SHISA6: variants seen among roughly 807,000 people sequenced by gnomAD.
SHISA6 encodes the protein shisa family member 6, also known as protein shisa-6.
SHISA6 carries 22 observed loss-of-function variants against 47.9 expected under a neutral mutation model. That is an observed-to-expected ratio of 0.46 (90% CI 0.33 to 0.66). The LOEUF is 0.66. Among genes scored for constraint, SHISA6 ranks in the 30% least tolerant of loss-of-function variants. SHISA6 has a pLI of 0.02. For synonymous variants in SHISA6, 388 were observed against 337.8 expected (o/e 1.15, Z -1.63); for missense variants, 680 against 764.6 (o/e 0.89, Z 1.30).
chr17:11,498,369 G>A (rs114060915), intron 3 of SHISA6, among the ~76,000 whole-genome samples: 142 of 152,320 alleles, frequency 9.3e-4, no homozygotes, highest in African/African-American at 3.3e-3. Flanking sequence ...TGAGGACAGA[G>A]CTTGAATCTG....
intron 3 of SHISA6, among the ~76,000 whole-genome samples, chr17:11,479,285 A>C (rs1335034031): frequency 7.2e-5 from 11 of 152,198 alleles, no homozygotes; most frequent in Admixed American, 1.3e-4. Context: ...AAGCCATAAA[A>C]AAGAATGAGT....
At chr17:11,319,604 C>G (rs561557087) in intron 2 of SHISA6, among the ~76,000 whole-genome samples, 2 of 152,302 alleles carry the variant, frequency 1.3e-5, no homozygotes, top group East Asian at 1.9e-4. Context: ...AATTAATACT[C>G]TAACCATCTA....
chr17:11,557,942 G>A lies in SHISA6; in HGVS notation c.1294G>A (p.Glu432Lys), dbSNP rs1413780172. 1 of 1,551,474 alleles carries A rather than the reference G, an allele frequency of 6.4e-7. No individual in the cohort carries two copies. The highest frequency in any genetic ancestry group is 1.4e-5 in the African/African-American group (1 of 73,064). The change falls in exon 6 of 6, where the codon GAG (glutamate) becomes AAG (lysine). Residue 432 changes from glutamate (E) to lysine (K), a missense_variant. Transcript: ENST00000441885. ...GTCCCCGGATCGGGGCCTGCCAGAT[G>A]AGTTCAGCATGCCCTACGACCGCAT... ...VLSPDRGLPD[E>K]FSMPYDRILS...
intron 2 of SHISA6, among the ~76,000 whole-genome samples, chr17:11,322,971 G>T (rs989792367): frequency 1.3e-5 from 2 of 152,162 alleles, no homozygotes; most frequent in Non-Finnish European, 2.9e-5. Flanking sequence ...GAGGCAGAAA[G>T]AGTTAAACTA....
chr17:11,253,531 A>C (rs540723494), intron 1 of SHISA6, among the ~76,000 whole-genome samples: 7 of 152,072 alleles, frequency 4.6e-5, no homozygotes, highest in Non-Finnish European at 1.0e-4. Context: ...TTTTTAGTTG[A>C]GTTTGAAATC....
At chr17:11,323,696 T>TAATAATAATAAG (rs1005096996) in intron 2 of SHISA6, among the ~76,000 whole-genome samples, 2 of 148,878 alleles carry the variant, frequency 1.3e-5, no homozygotes, top group African/African-American at 4.9e-5. Flanking sequence ...ATAATAATAA[T>TAATAATAATAAG]AATACATGAT....
intron 3 of SHISA6, among the ~76,000 whole-genome samples, chr17:11,540,986 TA>T (rs958838916): frequency 2.6e-5 from 4 of 152,202 alleles, no homozygotes; most frequent in Non-Finnish European, 5.9e-5. Flanking sequence ...GCATAATGAA[TA>T]AAAGTACAGG....
intron 3 of SHISA6, among the ~76,000 whole-genome samples, chr17:11,490,696 C>G (rs1328292750): frequency 2.0e-5 from 3 of 152,220 alleles, no homozygotes; most frequent in Non-Finnish European, 4.4e-5. Context: ...GTGGTCAGAC[C>G]TGAGCCAGAG....
At position 11,428,859 on chromosome 17, in the gene SHISA6, A is replaced by C. The variant is rs550240544; in HGVS notation, c.895+49350A>C. On this transcript the variant is annotated intron_variant, in intron 3 of 5. Coordinates refer to ENST00000441885, the MANE Select transcript of SHISA6 (RefSeq NM_207386.4). Reference sequence around the variant, plus strand: ...GAGTGCAGTGGCACGATCTCTGCTTACTGCAAGCTCCGCCTGCCGGGTTCA... The same window carrying C: ...GAGTGCAGTGGCACGATCTCTGCTTCCTGCAAGCTCCGCCTGCCGGGTTCA... 5.9e-5 allele frequency among the ~76,000 whole-genome samples: 8 copies of C among 135,810 alleles called. No individual in the cohort carries two copies. In the East Asian group the frequency reaches 1.5e-3, roughly 26 times the overall value. The allele number at this position is 135,810 out of a possible 152,430, so 89.1% of individuals were successfully genotyped here.
intron 3 of SHISA6, among the ~76,000 whole-genome samples, chr17:11,381,497 C>T (rs1049266384): frequency 1.3e-5 from 2 of 152,148 alleles, no homozygotes; most frequent in Non-Finnish European, 2.9e-5. Context: ...TGGCAGGAAG[C>T]TGGTCTTCCC....
At chr17:11,246,878 A>C (rs1907614866) in intron 1 of SHISA6, among the ~76,000 whole-genome samples, 2 of 152,014 alleles carry the variant, frequency 1.3e-5, no homozygotes, top group African/African-American at 4.8e-5. Context: ...AACCATGCAA[A>C]TACTTTTCAA....
chr17:11,250,408 A>G (rs926388290), intron 1 of SHISA6, among the ~76,000 whole-genome samples: 3 of 152,206 alleles, frequency 2.0e-5, no homozygotes, highest in Non-Finnish European at 2.9e-5. Context: ...CTGCTGATCA[A>G]TTCCTAATGT....
intron 3 of SHISA6, among the ~76,000 whole-genome samples, chr17:11,533,587 A>ATTTTTTTTTT (rs3038696): frequency 1.1e-5 from 1 of 95,022 alleles, no homozygotes; most frequent in Non-Finnish European, 2.0e-5. Flanking sequence ...CCCTTTCATT[A>ATTTTTTTTTT]TTTTTTTTTT....
At chr17:11,526,337 A>T (rs533004787) in intron 3 of SHISA6, among the ~76,000 whole-genome samples, 45 of 152,350 alleles carry the variant, frequency 3.0e-4, no homozygotes, top group African/African-American at 7.5e-4. Flanking sequence ...TCATCTGCTT[A>T]TGAAAACTAA....
chr17:11,348,657 T>A (rs1911775463), intron 2 of SHISA6, among the ~76,000 whole-genome samples: 1 of 152,150 alleles, frequency 6.6e-6, no homozygotes, highest in Admixed American at 6.5e-5. Flanking sequence ...CCCTGAGTTT[T>A]TTCTTTCTTT....
Position 11,266,318 on chromosome 17 carries a change from A to G in SHISA6, c.799+2792A>G, listed in dbSNP as rs539736946. 3.3e-5 allele frequency among the ~76,000 whole-genome samples: 5 copies of G among 152,354 alleles called. No homozygotes were observed. In the South Asian group the frequency reaches 6.2e-4, roughly 19 times the overall value. On this transcript the variant is annotated intron_variant, in intron 2 of 5. Transcript: ENST00000441885. ...CATATGAGTAGCTTTGCTACTCAAG[A>G]TGGTGTTGGTGGGTCAGCCACATCA...
intron 3 of SHISA6, among the ~76,000 whole-genome samples, chr17:11,383,244 GC>G (rs1913081500): frequency 6.6e-6 from 1 of 152,080 alleles, no homozygotes; most frequent in Non-Finnish European, 1.5e-5. Context: ...AGCCCTGTCA[GC>G]CCTTTTTTAT....
At chr17:11,552,033 T>C in intron 4 of SHISA6, 81 bp downstream of exon 4, 1 of 1,430,296 alleles carries the variant, frequency 7.0e-7, no homozygotes, top group Non-Finnish European at 9.6e-7. Context: ...TATCAGGGCA[T>C]CAAACACACG....
intron 3 of SHISA6, among the ~76,000 whole-genome samples, chr17:11,430,125 A>G (rs576464788): frequency 7.2e-5 from 11 of 152,324 alleles, no homozygotes; most frequent in African/African-American, 2.6e-4. Context: ...TCACACAGCT[A>G]AGAAGAGTTA....
Sources: allele counts gnomAD v4.1 joint callset (sites outside exome capture counted in the v4.1 genomes callset), GRCh38; gene constraint gnomAD v4.1.1; transcripts MANE v1.5; gene names NCBI Gene and HGNC (gene_info 2026-07-23, HGNC 2026-07-21).